VIT: variants seen among roughly 807,000 people sequenced by gnomAD.
The protein encoded by VIT is vitrin.
Under a neutral mutation model 78.0 loss-of-function variants are expected in VIT, and 99 were observed. The observed-to-expected ratio is 1.27, with a 90% CI of 1.08 to 1.50. The LOEUF is 1.50. VIT is among the 40% of genes most tolerant of loss of function. The pLI, the probability that VIT is intolerant of heterozygous loss-of-function variation, is 0.00. For synonymous variants in VIT, 374 were observed against 334.3 expected, an observed-to-expected ratio of 1.12 and a Z score of -1.29; for missense variants, 1,126 against 875.3, an observed-to-expected ratio of 1.29 and a Z score of -3.61.
Position 36,814,486 on chromosome 2 carries a change from T to C in VIT, c.*125T>C, listed in dbSNP as rs1667424945. ...GCAGGGCATGGAGAAACAAATGTCT[T>C]GTTATTATTCTTTGCCATCATGCTT... is the stretch of plus-strand genomic sequence containing the variant. On this transcript the variant is annotated 3_prime_UTR_variant, in exon 16 of 16. Transcript: ENST00000379242. The C allele has an allele frequency of 1.7e-6, 2 of 1,175,174 alleles. No individual in the cohort carries two copies. Among genetic ancestry groups the C allele is most frequent in the East Asian group, 2.6e-5 (1 of 39,158 alleles). 72.8% of individuals were successfully genotyped at this position (1,175,174 alleles called of 1,614,324 possible).
chr2:36,800,273 C>T (rs1373998712), intron 12 of VIT, among the ~76,000 whole-genome samples: 3 of 151,854 alleles, frequency 2.0e-5, no homozygotes, highest in East Asian at 1.9e-4. Flanking sequence ...TGAACCCGGG[C>T]GGCAGAGGTT....
intron 1 of VIT, among the ~76,000 whole-genome samples, chr2:36,707,409 C>T (rs1273620698): frequency 7.9e-5 from 12 of 152,246 alleles, no homozygotes. Flanking sequence ...ACCCTCTCCC[C>T]AAAAAACACA....
intron 2 of VIT, among the ~76,000 whole-genome samples, chr2:36,717,257 C>A (rs1253999218): frequency 6.8e-6 from 1 of 146,818 alleles, no homozygotes; most frequent in Non-Finnish European, 1.5e-5. Context: ...TGGCTCACTG[C>A]AAGCTCTCCC....
intron 1 of VIT, among the ~76,000 whole-genome samples, chr2:36,711,299 T>C (rs1012975790): frequency 6.6e-6 from 1 of 152,242 alleles, no homozygotes; most frequent in Non-Finnish European, 1.5e-5. Context: ...TGCATTCTTC[T>C]CATACATCTT....
chr2:36,814,232 A>G lies in VIT; in HGVS notation c.1953A>G (p.Leu651=), dbSNP rs1667401943. Residue 651 remains leucine (L), a synonymous_variant, in exon 16 of 16, where the codon CTA becomes CTG. Transcript: ENST00000379242. ...TTGCCTGGGCTGCCCAAGAGGAGCT[A>G]GAAGTCATTGCCACTCACCCCGCCA... The part of the protein sequence containing the change: ...IGVAWAAQEE[L]EVIATHPARD... The G allele has an allele frequency of 6.2e-7, 1 of 1,614,244 alleles. No homozygotes were observed. Among genetic ancestry groups the G allele is most frequent in the Non-Finnish European group, 8.5e-7 (1 of 1,180,042 alleles).
At chr2:36,800,071 G>A (rs1257928218) in intron 12 of VIT, among the ~76,000 whole-genome samples, 17 of 151,814 alleles carry the variant, frequency 1.1e-4, no homozygotes, top group East Asian at 3.9e-4. Flanking sequence ...AAATGGCCGG[G>A]CACGGTGGCT....
At chr2:36,707,441 G>A (rs1665499684) in intron 1 of VIT, among the ~76,000 whole-genome samples, 1 of 152,154 alleles carries the variant, frequency 6.6e-6, no homozygotes, top group Non-Finnish European at 1.5e-5. Context: ...CTTCCATTCT[G>A]CCTGTTACAA....
rs773554852 is a variant in VIT at position 36,808,945 on chromosome 2, C to G, written c.1863C>G (p.Tyr621Ter). 6.2e-7 allele frequency: 1 copy of G among 1,606,032 alleles called. No individual in the cohort carries two copies. Among genetic ancestry groups the G allele is most frequent in the Non-Finnish European group, 8.5e-7 (1 of 1,174,832 alleles). ...LMILITDGRS[Y>*]DDVRIPAMAA... ...TCCTCATCACCGACGGGAGGTCCTACGACGACGTCCGGATCCCAGCCATGG... is the reference window on the plus strand; with the variant it reads ...TCCTCATCACCGACGGGAGGTCCTAGGACGACGTCCGGATCCCAGCCATGG... Residue 621 changes from tyrosine to a stop codon, truncating the protein, a stop_gained, in exon 15 of 16, where the codon TAC becomes TAG. Coordinates refer to ENST00000379242, the MANE Select transcript of VIT (RefSeq NM_053276.4). LOFTEE classifies it high-confidence loss of function.
rs1200902236 is a variant in VIT at position 36,814,426 on chromosome 2, G to A, written c.*65G>A. 16 of 1,572,826 alleles carry A rather than the reference G, an allele frequency of 1.0e-5. No homozygotes were observed. The highest frequency in any genetic ancestry group is 1.7e-4 in the Middle Eastern group (1 of 5,966). The stretch of plus-strand genomic sequence containing the variant: ...AACTGACGTGTTGGACCACCCCACC[G>A]CTTAATGGGGCACGCACGGTGCATC... On this transcript the variant is annotated 3_prime_UTR_variant, in exon 16 of 16. Transcript: ENST00000379242.
chr2:36,703,699 T>G (rs1665216644), intron 1 of VIT, among the ~76,000 whole-genome samples: 1 of 152,176 alleles, frequency 6.6e-6, no homozygotes, highest in Non-Finnish European at 1.5e-5. Context: ...GGTATGTACT[T>G]TACAGTGTGT....
intron 1 of VIT, among the ~76,000 whole-genome samples, chr2:36,702,372 T>G (rs1665117986): frequency 6.6e-6 from 1 of 151,408 alleles, no homozygotes; most frequent in Admixed American, 6.6e-5. Context: ...TTGCCTCTGC[T>G]CTGGATGAAA....
intron 2 of VIT, among the ~76,000 whole-genome samples, chr2:36,722,482 C>T (rs1222366348): frequency 6.6e-6 from 1 of 152,154 alleles, no homozygotes; most frequent in East Asian, 1.9e-4. Context: ...CATGGCTTTG[C>T]TATGAAGTTC....
chr2:36,715,947 G>T (rs990584922), intron 1 of VIT, among the ~76,000 whole-genome samples: 1 of 152,080 alleles, frequency 6.6e-6, no homozygotes. Flanking sequence ...CCATATAATA[G>T]GAGTTTAATA....
At position 36,743,283 on chromosome 2, in the gene VIT, C is replaced by A. The variant is rs750760045; in HGVS notation, c.275+27C>A. ...TGAGTGGTTCTGAGCTACTTAATAA[C>A]TAACTAGAAATCAGGGTGTTGGCAG... On this transcript the variant is annotated intron_variant, in intron 4 of 15. Transcript: ENST00000379242. 7 of 1,560,602 alleles carry A rather than the reference C, an allele frequency of 4.5e-6. No homozygotes were observed. In the Admixed American group the frequency reaches 1.0e-4, roughly 23 times the overall value.
At chr2:36,721,478 A>G (rs1037495179) in intron 2 of VIT, among the ~76,000 whole-genome samples, 2 of 151,948 alleles carry the variant, frequency 1.3e-5, no homozygotes, top group Non-Finnish European at 2.9e-5. Context: ...CCCTGCCCCA[A>G]ATCCTTACGC....
At chr2:36,775,187 A>G in intron 9 of VIT, 120 bp downstream of exon 9, 6 of 1,080,168 alleles carry the variant, frequency 5.6e-6, no homozygotes, top group Non-Finnish European at 8.0e-6. Context: ...TCAGGTCACC[A>G]GAGTTTGGGA....
chr2:36,790,918 A>AG (rs78380106), intron 12 of VIT, among the ~76,000 whole-genome samples: 152,250 of 152,252 alleles, frequency 1, 76,124 homozygotes, highest in Middle Eastern at 1. Context: ...AAGAACAGCC[A>AG]GGCAAGCCAT....
At position 36,734,833 on chromosome 2, in the gene VIT, G is replaced by T. The variant is rs140670750; in HGVS notation, c.118+5342G>T. 1.8e-3 allele frequency among the ~76,000 whole-genome samples: 274 copies of T among 152,142 alleles called. 1 individual carries two copies. The highest frequency in any genetic ancestry group is 6.1e-3 in the African/African-American group (255 of 41,504). ...ATGGATGTTACTTAGCACCACTGGT[G>T]GGGGGGCCCTTTGGACCAAGAAGGT... On this transcript the variant is annotated intron_variant, in intron 3 of 15. Coordinates refer to ENST00000379242, the MANE Select transcript of VIT (RefSeq NM_053276.4).
chr2:36,766,367 A>C (rs1367627051), intron 6 of VIT, among the ~76,000 whole-genome samples: 1 of 48,408 alleles, frequency 2.1e-5, no homozygotes, highest in African/African-American at 3.7e-5. Context: ...TTTCTCTACA[A>C]AAAAAAAATT....
Sources: gnomAD v4.1 joint callset for allele counts (sites outside exome capture counted in the v4.1 genomes callset) on GRCh38, gnomAD v4.1.1 for gene constraint, MANE v1.5 for transcripts, NCBI Gene and HGNC (gene_info 2026-07-23, HGNC 2026-07-21) for gene names.